PLCB4: variants seen among roughly 807,000 people sequenced by gnomAD.
PLCB4 encodes phospholipase C beta 4.
PLCB4 carries 77 observed loss-of-function variants against 178.8 expected under a neutral mutation model. That is an observed-to-expected ratio of 0.43 (90% CI 0.36 to 0.52). The LOEUF (loss-of-function observed/expected upper bound fraction) is 0.52, where lower values mean the gene tolerates loss of function less well. Ranked by LOEUF, PLCB4 falls within the 20% of genes least tolerant of loss-of-function variation. PLCB4 has a pLI of 0.00. For missense variants in PLCB4, 1,024 were observed against 1,453.4 expected (o/e 0.70, Z 4.80); for synonymous variants, 496 against 490.8 (o/e 1.01, Z -0.14).
chr20:9,456,344 C>T (rs2043056347), intron 33 of PLCB4, among the ~76,000 whole-genome samples: 1 of 152,164 alleles, frequency 6.6e-6, no homozygotes, highest in Non-Finnish European at 1.5e-5. Flanking sequence ...GACTACCTCT[C>T]ATATGCTTTC....
intron 2 of PLCB4, among the ~76,000 whole-genome samples, chr20:9,147,579 G>A (rs1393900830): frequency 6.6e-6 from 1 of 152,068 alleles, no homozygotes; most frequent in African/African-American, 2.4e-5. Context: ...TCAGCTAGCT[G>A]TTAGCTGACC....
chr20:9,411,733 A>C (rs1352674339), intron 25 of PLCB4, among the ~76,000 whole-genome samples: 1 of 149,884 alleles, frequency 6.7e-6, no homozygotes, highest in Non-Finnish European at 1.5e-5. Context: ...AAAAAAAAAA[A>C]ACACAACTAT....
At chr20:9,468,519 C>T in intron 35 of PLCB4, 52 bp from the exon 36 acceptor site, 1 of 1,119,984 alleles carries the variant, frequency 8.9e-7, no homozygotes, top group Non-Finnish European at 1.4e-6. Flanking sequence ...ACCCATTAAA[C>T]ACAAACTCTC....
intron 3 of PLCB4, among the ~76,000 whole-genome samples, chr20:9,278,792 G>A (rs62194811): frequency 0.05 from 7,641 of 152,104 alleles, 236 homozygotes; most frequent in South Asian, 0.13. Flanking sequence ...TAGAATGGAC[G>A]TGGTCCATAC....
chr20:9,360,976 A>G (rs565830013), intron 7 of PLCB4, among the ~76,000 whole-genome samples: 2 of 152,352 alleles, frequency 1.3e-5, no homozygotes, highest in East Asian at 1.9e-4. Flanking sequence ...CAAACAAACA[A>G]AAAAACCCAG....
chr20:9,296,143 A>C (rs2094631098), intron 3 of PLCB4, among the ~76,000 whole-genome samples: 1 of 152,146 alleles, frequency 6.6e-6, no homozygotes, highest in Non-Finnish European at 1.5e-5. Context: ...TCTACAACGA[A>C]CTCAAACAAA....
intron 3 of PLCB4, among the ~76,000 whole-genome samples, chr20:9,218,365 A>T (rs976680705): frequency 6.6e-6 from 1 of 152,186 alleles, no homozygotes; most frequent in South Asian, 2.1e-4. Context: ...TCGGCCTCCC[A>T]AAGTGCTGGA....
chr20:9,440,731 C>T (rs1457849338), intron 30 of PLCB4, among the ~76,000 whole-genome samples: 1 of 152,054 alleles, frequency 6.6e-6, no homozygotes, highest in East Asian at 1.9e-4. Context: ...ATTTTTTGGC[C>T]ATTTTTGCAC....
chr20:9,087,313 C>T (rs2090472209), intron 1 of PLCB4, among the ~76,000 whole-genome samples: 2 of 152,090 alleles, frequency 1.3e-5, no homozygotes, highest in Admixed American at 1.3e-4. Flanking sequence ...TTATACTATA[C>T]ATAGTATACT....
intron 2 of PLCB4, among the ~76,000 whole-genome samples, chr20:9,106,979 T>C (rs1449430823): frequency 6.6e-6 from 1 of 152,182 alleles, no homozygotes; most frequent in African/African-American, 2.4e-5. Flanking sequence ...ATTAAGCAAA[T>C]GTATATTCAT....
intron 7 of PLCB4, among the ~76,000 whole-genome samples, chr20:9,350,002 A>G (rs2034182519): frequency 6.6e-6 from 1 of 152,206 alleles, no homozygotes; most frequent in African/African-American, 2.4e-5. Context: ...GTTGCCTCCA[A>G]GCTCTATGAT....
rs530995229 is a variant in PLCB4, at chr20:9,193,470, C to T, written c.-78-23920C>T. 5.9e-5 allele frequency among the ~76,000 whole-genome samples: 9 copies of T among 152,260 alleles called. No homozygotes were observed. The East Asian group carries it at 1.7e-3, about 29-fold the overall frequency. On this transcript the variant is annotated intron_variant, in intron 2 of 39. Transcript: ENST00000378473. ...AGCCTGCCCCCTGTGTCAGAATGAACACAACTCCTCAGCTAGAGAAAGCTC... is the reference window on the plus strand; with the variant it reads ...AGCCTGCCCCCTGTGTCAGAATGAATACAACTCCTCAGCTAGAGAAAGCTC...
chr20:9,113,721 C>T (rs1568774629), intron 2 of PLCB4, among the ~76,000 whole-genome samples: 3 of 152,254 alleles, frequency 2.0e-5, no homozygotes, highest in Non-Finnish European at 4.4e-5. Flanking sequence ...CATAATTAAA[C>T]TTTCATTTGG....
Position 9,259,213 on chromosome 20 carries a change from G to GT in PLCB4, c.-16+41767dup, listed in dbSNP as rs369951142. Among the ~76,000 whole-genome samples the GT allele has an allele frequency of 5.7e-3, 867 of 152,266 alleles. 10 individuals are homozygous for GT. Among genetic ancestry groups the GT allele is most frequent in the African/African-American group, 0.019 (789 of 41,548 alleles). On this transcript the variant is annotated intron_variant, in intron 3 of 39. Coordinates refer to ENST00000378473, the MANE Select transcript of PLCB4 (RefSeq NM_001377142.1). ...TTCTTCTCAGTTTTTCTTTGTTAAT[G>GT]TTTTTTGAGCAGCACAACTTTAGTG...
intron 19 of PLCB4, among the ~76,000 whole-genome samples, chr20:9,397,975 C>CATGCT (rs2038731144): frequency 6.6e-6 from 1 of 152,142 alleles, no homozygotes; most frequent in Non-Finnish European, 1.5e-5. Flanking sequence ...TTATCCCGGA[C>CATGCT]GGCTTACTCA....
At chr20:9,207,339 A>G (rs1259780637) in intron 2 of PLCB4, among the ~76,000 whole-genome samples, 1 of 152,216 alleles carries the variant, frequency 6.6e-6, no homozygotes, top group Non-Finnish European at 1.5e-5. Flanking sequence ...GCCCTAGTAC[A>G]TTAACAGTCC....
chr20:9,305,378 A>G (rs1220013220), intron 3 of PLCB4, among the ~76,000 whole-genome samples: 5 of 151,790 alleles, frequency 3.3e-5, no homozygotes, highest in African/African-American at 1.2e-4. Flanking sequence ...CTATTTTCCT[A>G]CTGATGTCTA....
At chr20:9,093,706 C>T (rs754033903) in intron 1 of PLCB4, among the ~76,000 whole-genome samples, 1 of 151,042 alleles carries the variant, frequency 6.6e-6, no homozygotes, top group African/African-American at 2.4e-5. Flanking sequence ...TACACATGGT[C>T]TTTCCCCAAA....
intron 2 of PLCB4, among the ~76,000 whole-genome samples, chr20:9,173,566 T>G (rs1055273989): frequency 2.0e-5 from 3 of 152,118 alleles, no homozygotes; most frequent in African/African-American, 7.2e-5. Context: ...TTTCTGGAGG[T>G]TCTGGGGGAG....
Sources: gnomAD v4.1 joint callset for allele counts (sites outside exome capture counted in the v4.1 genomes callset) on GRCh38, gnomAD v4.1.1 for gene constraint, MANE v1.5 for transcripts, NCBI Gene and HGNC (gene_info 2026-07-23, HGNC 2026-07-21) for gene names.